AMPH: variants seen among roughly 807,000 people sequenced by gnomAD.
The protein encoded by AMPH is amphiphysin, also known as amphiphysin (Stiff-Mann syndrome with breast cancer 128kD autoantigen).
Under a neutral mutation model 99.1 loss-of-function variants are expected in AMPH, and 49 were observed. The observed-to-expected ratio is 0.49, with a 90% CI of 0.39 to 0.63. The LOEUF (loss-of-function observed/expected upper bound fraction) is 0.63. Ranked by LOEUF, AMPH falls within the 20% of genes least tolerant of loss-of-function variation. The probability of loss-of-function intolerance (pLI) is 0.00; values close to 1 mark genes in which losing one functional copy is unlikely to be tolerated. For synonymous variants in AMPH, 314 were observed against 317.3 expected (o/e 0.99, Z 0.11); for missense variants, 759 against 863.4 (o/e 0.88, Z 1.52).
At chr7:38,619,046 G>T (rs1793966458) in intron 1 of AMPH, among the ~76,000 whole-genome samples, 1 of 152,134 alleles carries the variant, frequency 6.6e-6, no homozygotes, top group Admixed American at 6.5e-5. Flanking sequence ...ATCTCATGCT[G>T]CCAGGCATGA....
intron 17 of AMPH, among the ~76,000 whole-genome samples, chr7:38,406,719 TCTCTCCCTTTCC>T (rs1424807208): frequency 1.1e-4 from 13 of 117,902 alleles, no homozygotes; most frequent in African/African-American, 4.2e-4. Context: ...CTCTCCTCTC[TCTCTCCCTTTCC>T]CTCTCTCTCT....
intron 17 of AMPH, among the ~76,000 whole-genome samples, chr7:38,400,201 G>C (rs1037471765): frequency 1.3e-5 from 2 of 152,056 alleles, no homozygotes; most frequent in African/African-American, 4.8e-5. Flanking sequence ...TCAGTCTCCC[G>C]AGTAGCTGGG....
chr7:38,408,527 C>T (rs928959810), intron 17 of AMPH, among the ~76,000 whole-genome samples: 2 of 151,864 alleles, frequency 1.3e-5, no homozygotes, highest in Non-Finnish European at 2.9e-5. Flanking sequence ...TTTGGGAGGC[C>T]GAGGTGGGTG....
At chr7:38,532,263 A>T (rs906343988) in intron 2 of AMPH, among the ~76,000 whole-genome samples, 1 of 152,110 alleles carries the variant, frequency 6.6e-6, no homozygotes, top group African/African-American at 2.4e-5. Context: ...CACTATAATG[A>T]TTATAAACTT....
intron 3 of AMPH, among the ~76,000 whole-genome samples, chr7:38,498,710 A>G (rs1306259135): frequency 6.6e-6 from 1 of 152,208 alleles, no homozygotes; most frequent in East Asian, 1.9e-4. Context: ...ACACAATCAC[A>G]ATAACTATTT....
At chr7:38,448,671 A>G (rs1315147674) in intron 11 of AMPH, among the ~76,000 whole-genome samples, 1 of 152,244 alleles carries the variant, frequency 6.6e-6, no homozygotes, top group Non-Finnish European at 1.5e-5. Context: ...AACCATGGAA[A>G]GTGAAACTGT....
At chr7:38,554,971 T>G (rs897541860) in intron 1 of AMPH, among the ~76,000 whole-genome samples, 2 of 152,172 alleles carry the variant, frequency 1.3e-5, no homozygotes, top group African/African-American at 4.8e-5. Flanking sequence ...AATGGTGAAT[T>G]AGAATTATAC....
intron 18 of AMPH, among the ~76,000 whole-genome samples, 171 bp downstream of exon 18, chr7:38,393,834 C>T (rs1019113255): frequency 6.6e-6 from 1 of 152,206 alleles, no homozygotes; most frequent in Non-Finnish European, 1.5e-5. Flanking sequence ...TGATACTGAG[C>T]AGCTGGGATT....
intron 1 of AMPH, among the ~76,000 whole-genome samples, chr7:38,579,299 T>C (rs575607459): frequency 1.3e-5 from 2 of 152,176 alleles, no homozygotes; most frequent in Non-Finnish European, 2.9e-5. Flanking sequence ...CTGTCTCCAG[T>C]GGCCACTCTC....
At chr7:38,561,543 A>G (rs1231185795) in intron 1 of AMPH, among the ~76,000 whole-genome samples, 1 of 152,194 alleles carries the variant, frequency 6.6e-6, no homozygotes, top group Non-Finnish European at 1.5e-5. Context: ...AGAGGAGAGA[A>G]AAATAAAACC....
chr7:38,523,486 G>T (rs957027793), intron 2 of AMPH, among the ~76,000 whole-genome samples: 25 of 152,158 alleles, frequency 1.6e-4, no homozygotes, highest in African/African-American at 6.0e-4. Flanking sequence ...AATGATGCAG[G>T]TCTGTCAAAA....
At chr7:38,425,794 G>A (rs1420687499) in intron 15 of AMPH, among the ~76,000 whole-genome samples, 2 of 152,218 alleles carry the variant, frequency 1.3e-5, no homozygotes, top group Non-Finnish European at 2.9e-5. Flanking sequence ...TGAAGGAAGT[G>A]AAACTATTTA....
intron 1 of AMPH, among the ~76,000 whole-genome samples, chr7:38,566,478 T>C (rs1485404224): frequency 3.3e-5 from 5 of 152,126 alleles, no homozygotes; most frequent in Non-Finnish European, 5.9e-5. Context: ...ATTCAGGACA[T>C]AGGCATAGGC....
chr7:38,471,089 T>C (rs1003669551), intron 7 of AMPH, among the ~76,000 whole-genome samples: 2 of 152,180 alleles, frequency 1.3e-5, no homozygotes, highest in African/African-American at 4.8e-5. Context: ...CAGTAGGTGG[T>C]CAATAAATAT....
intron 1 of AMPH, among the ~76,000 whole-genome samples, chr7:38,555,416 A>G (rs1046410126): frequency 5.9e-5 from 9 of 152,096 alleles, no homozygotes; most frequent in Admixed American, 5.2e-4. Flanking sequence ...AAAAATAATA[A>G]ATACATACAT....
intron 1 of AMPH, among the ~76,000 whole-genome samples, chr7:38,540,453 A>G (rs917870172): frequency 5.9e-5 from 9 of 152,024 alleles, no homozygotes; most frequent in African/African-American, 2.2e-4. Context: ...ATAGGCAAGT[A>G]AAAAAGTAAA....
At chr7:38,504,988 C>T (rs993519883) in intron 2 of AMPH, among the ~76,000 whole-genome samples, 2 of 152,194 alleles carry the variant, frequency 1.3e-5, no homozygotes, top group African/African-American at 4.8e-5. Flanking sequence ...ATTTAACAAA[C>T]ATTGTTAGTA....
chr7:38,511,453 A>G (rs10249892), intron 2 of AMPH, among the ~76,000 whole-genome samples: 129,980 of 152,168 alleles, frequency 0.85, 55,744 homozygotes, highest in Middle Eastern at 0.87. Context: ...TATTGCAGTA[A>G]TAGAGGCTCC....
intron 11 of AMPH, among the ~76,000 whole-genome samples, chr7:38,453,574 T>C (rs1035888173): frequency 7.9e-5 from 12 of 151,878 alleles, no homozygotes; most frequent in Non-Finnish European, 1.6e-4. Context: ...TGATCCTTTT[T>C]CCCCCCACCA....
Sources: gnomAD v4.1 joint callset for allele counts (sites outside exome capture counted in the v4.1 genomes callset) on GRCh38, gnomAD v4.1.1 for gene constraint, MANE v1.5 for transcripts, NCBI Gene and HGNC (gene_info 2026-07-23, HGNC 2026-07-21) for gene names.